Variants in CCDC40 observed in about 807,000 individuals in gnomAD.
CCDC40 encodes the protein coiled-coil domain-containing protein 40.
Under a neutral mutation model 124.5 loss-of-function variants are expected in CCDC40, and 104 were observed. That is an observed-to-expected ratio of 0.84 (90% CI 0.71 to 0.98). CCDC40 has a LOEUF of 0.98. Ranked by LOEUF, CCDC40 falls within the 50% of genes least tolerant of loss-of-function variation. The pLI is 0.00. For synonymous variants in CCDC40, 580 were observed against 602.9 expected (o/e 0.96, Z 0.56); for missense variants, 1,463 against 1,503.9 (o/e 0.97, Z 0.45).
chr17:80,076,684 T>G (rs554941457), intron 10 of CCDC40, among the ~76,000 whole-genome samples: 1 of 151,932 alleles, frequency 6.6e-6, no homozygotes, highest in Non-Finnish European at 1.5e-5. Flanking sequence ...ACCAGCATAC[T>G]TTATCAAGTA....
intron 4 of CCDC40, among the ~76,000 whole-genome samples, chr17:80,047,991 C>T (rs2037474308): frequency 6.6e-6 from 1 of 152,202 alleles, no homozygotes; most frequent in Admixed American, 6.5e-5. Flanking sequence ...AAAAAACAAG[C>T]CGGGCGCGGT....
In CCDC40 at chr17:80,097,337, G is replaced by A. The variant is rs372856318; in HGVS notation, c.3114G>A (p.Ser1038=). The change falls in exon 19 of 20, where the codon TCG becomes TCA. Residue 1038 remains serine, a synonymous_variant. Transcript: ENST00000397545. ...SSLLEKQEKL[S]VIQADFDTLE... Reference sequence around the variant, plus strand: ...TCCTAGAGAAGCAGGAAAAGCTGTCGGTGATTCAGGCAGACTTCGACACAC... The same window carrying A: ...TCCTAGAGAAGCAGGAAAAGCTGTCAGTGATTCAGGCAGACTTCGACACAC... 4.7e-5 allele frequency: 76 copies of A among 1,613,830 alleles called. No homozygotes were observed. Among genetic ancestry groups the A allele is most frequent in the Non-Finnish European group, 5.3e-5 (63 of 1,180,040 alleles).
chr17:80,073,940 C>T (rs914007414), intron 10 of CCDC40, among the ~76,000 whole-genome samples: 8 of 152,048 alleles, frequency 5.3e-5, no homozygotes, highest in Non-Finnish European at 4.4e-5. Context: ...CCTGCCTCGG[C>T]CTCCCAAAGT....
At chr17:80,071,077 C>T (rs1291713420) in intron 10 of CCDC40, among the ~76,000 whole-genome samples, 6 of 152,238 alleles carry the variant, frequency 3.9e-5, no homozygotes, top group African/African-American at 9.6e-5. Flanking sequence ...CCACGAGGAG[C>T]CCACGGTCAG....
rs374325806 is a variant in CCDC40 at position 80,042,212 on chromosome 17, G to A, written c.552+1942G>A. Among the ~76,000 whole-genome samples the A allele has an allele frequency of 7.2e-5, 11 of 152,028 alleles. No individual in the cohort carries two copies. In the East Asian group the frequency reaches 7.7e-4, roughly 11 times the overall value. On this transcript the variant is annotated intron_variant, in intron 3 of 19. Transcript: ENST00000397545. Reference sequence around the variant, plus strand: ...TGGTTCACAGCAACCTCTGCCTCCCGGGTTCAAGCAATTCTCCTGCCTCAG... The same window carrying A: ...TGGTTCACAGCAACCTCTGCCTCCCAGGTTCAAGCAATTCTCCTGCCTCAG...
chr17:80,091,348 G>C (rs1004137466), intron 17 of CCDC40, among the ~76,000 whole-genome samples: 13 of 150,960 alleles, frequency 8.6e-5, no homozygotes, highest in Non-Finnish European at 1.8e-4. Context: ...CACACAGAGA[G>C]AGAGAGAGAG....
chr17:80,058,352 A>G lies in CCDC40; in HGVS notation c.1160-142A>G. On this transcript the variant is annotated intron_variant, in intron 7 of 19. Transcript: ENST00000397545. The surrounding 1 kb of genome is among the most constrained non-coding windows in gnomAD (Gnocchi z 4.2). ...GTCTGTGTCTTGATAGTTTAAAAGC[A>G]GTTTCCCAGTCTTACCCAAAAATGG... 1.5e-6 allele frequency: 1 copy of G among 676,758 alleles called. No individual in the cohort carries two copies. The highest frequency in any genetic ancestry group is 2.6e-6 in the Non-Finnish European group (1 of 386,436). The allele number at this position is 676,758 out of a possible 1,614,324, so 41.9% of individuals were successfully genotyped here.
At chr17:80,064,839 G>C (rs980941465) in intron 9 of CCDC40, among the ~76,000 whole-genome samples, 3 of 150,854 alleles carry the variant, frequency 2.0e-5, no homozygotes, top group African/African-American at 4.9e-5. Flanking sequence ...GCTTCCCCCA[G>C]CTGGACGAGA....
At chr17:80,095,880 C>A (rs994926477) in intron 18 of CCDC40, among the ~76,000 whole-genome samples, 3 of 152,210 alleles carry the variant, frequency 2.0e-5, no homozygotes, top group Non-Finnish European at 4.4e-5. Context: ...CTGGGGAGCC[C>A]GAGTGGGCAC....
intron 10 of CCDC40, chr17:80,067,340 T>A (rs1598513820): frequency 6.8e-6 from 4 of 592,178 alleles, no homozygotes; most frequent in Non-Finnish European, 1.2e-5. Context: ...TAGAACCCCC[T>A]CCCAAGACAA....
At chr17:80,081,037 T>C (rs1357165589) in intron 10 of CCDC40, among the ~76,000 whole-genome samples, 1 of 152,198 alleles carries the variant, frequency 6.6e-6, no homozygotes, top group Non-Finnish European at 1.5e-5. Context: ...ACCTCTCAAA[T>C]ATGTGCCAAT....
In CCDC40 at chr17:80,099,920, C is replaced by G; in HGVS notation, c.*145C>G. The G allele has an allele frequency of 1.2e-6, 1 of 865,840 alleles. No individual in the cohort carries two copies. Among genetic ancestry groups the G allele is most frequent in the South Asian group, 1.6e-5 (1 of 62,390 alleles). The allele number at this position is 865,840 out of a possible 1,614,324, so 53.6% of individuals were successfully genotyped here. On this transcript the variant is annotated 3_prime_UTR_variant, in exon 20 of 20. Coordinates refer to ENST00000397545, the MANE Select transcript of CCDC40 (RefSeq NM_017950.4). ...GTTTAAGAGAAATAAGCCAGCCCCACCCATAGGAATCTTTTTAGCCACTCA... is the reference window on the plus strand; with the variant it reads ...GTTTAAGAGAAATAAGCCAGCCCCAGCCATAGGAATCTTTTTAGCCACTCA...
intron 10 of CCDC40, among the ~76,000 whole-genome samples, chr17:80,078,130 G>A (rs903144308): frequency 6.6e-6 from 1 of 152,026 alleles, no homozygotes; most frequent in Non-Finnish European, 1.5e-5. Flanking sequence ...AGGAGATTGA[G>A]ACCATCCTGG....
chr17:80,087,440 TG>T lies in CCDC40; in HGVS notation c.2450-165del. 5.8e-6 allele frequency: 4 copies of T among 689,246 alleles called. No homozygotes were observed. Among genetic ancestry groups the T allele is most frequent in the Non-Finnish European group, 1.1e-5 (4 of 375,286 alleles). 42.7% of individuals were successfully genotyped at this position (689,246 alleles called of 1,614,324 possible). ...CCCTGTCCTCTCCTCTCCTCTGTCCTGGCAGGGACGAGATTCAGGCAGGAGC... is the reference window on the plus strand; with the variant it reads ...CCCTGTCCTCTCCTCTCCTCTGTCCTGCAGGGACGAGATTCAGGCAGGAGC... On this transcript the variant is annotated intron_variant, in intron 14 of 19. Coordinates refer to ENST00000397545, the MANE Select transcript of CCDC40 (RefSeq NM_017950.4). This position sits in a 1 kb window ranked among gnomAD's most constrained non-coding sequence, Gnocchi z 4.5.
intron 7 of CCDC40, among the ~76,000 whole-genome samples, chr17:80,056,014 A>ATTTTTT (rs1173801732): frequency 8.9e-4 from 12 of 13,446 alleles, no homozygotes; most frequent in African/African-American, 3.0e-3. Flanking sequence ...ATATATATAT[A>ATTTTTT]TATTTTTTTT....
chr17:80,056,024 T>A (rs1240915615), intron 7 of CCDC40, among the ~76,000 whole-genome samples: 14 of 70,178 alleles, frequency 2.0e-4, no homozygotes, highest in South Asian at 5.6e-4. Context: ...ATATTTTTTT[T>A]TTTTTTTGGT....
chr17:80,039,632 A>G (rs2037221186), intron 2 of CCDC40, among the ~76,000 whole-genome samples, 180 bp from the exon 3 acceptor site: 1 of 151,894 alleles, frequency 6.6e-6, no homozygotes, highest in Non-Finnish European at 1.5e-5. Flanking sequence ...GGATGGTCTC[A>G]ATCTCCTGAC....
At chr17:80,064,681 C>A (rs114389640) in intron 9 of CCDC40, among the ~76,000 whole-genome samples, 2,187 of 151,894 alleles carry the variant, frequency 0.014, 52 homozygotes, top group African/African-American at 0.05. Context: ...TTTCAAGCCC[C>A]TCCCCTGCAT....
At chr17:80,050,357 C>A in intron 7 of CCDC40, 74 bp downstream of exon 7, 1 of 1,215,500 alleles carries the variant, frequency 8.2e-7, no homozygotes, top group Non-Finnish European at 1.2e-6. Flanking sequence ...TGTACCATGG[C>A]CAGGCATCTA....
Sources: allele counts gnomAD v4.1 joint callset (sites outside exome capture counted in the v4.1 genomes callset), GRCh38; gene constraint gnomAD v4.1.1; non-coding constraint Gnocchi (gnomAD v3.1); transcripts MANE v1.5; gene names NCBI Gene and HGNC (gene_info 2026-07-23, HGNC 2026-07-21).